The following CCDC57 variants were observed in gnomAD, a reference collection of about 807,000 sequenced individuals.
The protein encoded by CCDC57 is coiled-coil domain-containing protein 57.
CCDC57 carries 118 observed loss-of-function variants against 118.9 expected under a neutral mutation model. That is an observed-to-expected ratio of 0.99 (90% CI 0.86 to 1.16). CCDC57 has a LOEUF of 1.16. Ranked by LOEUF, CCDC57 falls within the 50% of genes most tolerant of loss-of-function variation. The probability of loss-of-function intolerance (pLI) is 0.00; values close to 1 mark genes in which losing one functional copy is unlikely to be tolerated. For synonymous variants in CCDC57, 527 were observed against 532.9 expected (o/e 0.99, Z 0.15); for missense variants, 1,300 against 1,320.7 (o/e 0.98, Z 0.24).
At chr17:82,143,325 A>C (rs1163772619) in intron 16 of CCDC57, among the ~76,000 whole-genome samples, 1 of 152,170 alleles carries the variant, frequency 6.6e-6, no homozygotes, top group Non-Finnish European at 1.5e-5. Context: ...CAATCTAAGA[A>C]ATCAGGAGAA....
chr17:82,134,308 C>G, intron 16 of CCDC57, 114 bp from the exon 16 acceptor site: 3 of 1,069,310 alleles, frequency 2.8e-6, no homozygotes, highest in Non-Finnish European at 3.6e-6. Flanking sequence ...ACCAAAGTAA[C>G]TTCCATTACA....
intron 2 of CCDC57, among the ~76,000 whole-genome samples, chr17:82,206,035 G>C (rs2049586098): frequency 6.7e-6 from 1 of 150,246 alleles, no homozygotes; most frequent in Non-Finnish European, 1.5e-5. Context: ...TCGGCCAGCA[G>C]GCGTCCCCAG....
intron 14 of CCDC57, among the ~76,000 whole-genome samples, chr17:82,159,639 T>C (rs1382014308): frequency 6.6e-6 from 1 of 151,950 alleles, no homozygotes; most frequent in African/African-American, 2.4e-5. Flanking sequence ...TCATGTCGCA[T>C]ACCATAGAGA....
intron 2 of CCDC57, among the ~76,000 whole-genome samples, chr17:82,204,707 C>T (rs2049400666): frequency 6.6e-6 from 1 of 152,128 alleles, no homozygotes; most frequent in Non-Finnish European, 1.5e-5. Context: ...GGCGTGAACC[C>T]CGGAGGCGAA....
chr17:82,134,132 T>C (rs1208778252), exon 17 of CCDC57: 2 of 1,395,788 alleles, frequency 1.4e-6, no homozygotes, highest in East Asian at 3.0e-5. Context: ...AAAGGCCTCC[T>C]GGGCTCCTCG....
At chr17:82,105,960 C>T (rs1013431730) in intron 19 of CCDC57, among the ~76,000 whole-genome samples, 9 of 152,248 alleles carry the variant, frequency 5.9e-5, no homozygotes, top group Non-Finnish European at 1.0e-4. Context: ...GCCTGCTGGC[C>T]TTTGGAGCAG....
intron 19 of CCDC57, among the ~76,000 whole-genome samples, chr17:82,114,522 C>A (rs1354120654): frequency 6.6e-6 from 1 of 152,220 alleles, no homozygotes; most frequent in Non-Finnish European, 1.5e-5. Flanking sequence ...AAGCACAGGA[C>A]CCCAGGCAGG....
intron 19 of CCDC57, chr17:82,105,197 T>C (rs529307102): frequency 2.0e-5 from 3 of 152,432 alleles, no homozygotes; most frequent in East Asian, 3.9e-4. Flanking sequence ...CTGGCCCTGA[T>C]GGCAGCTCAG....
At chr17:82,123,264 A>G (rs1440955768) in intron 19 of CCDC57, among the ~76,000 whole-genome samples, 1 of 146,466 alleles carries the variant, frequency 6.8e-6, no homozygotes, top group Non-Finnish European at 1.5e-5. Context: ...AAGTGCTGGG[A>G]TTACAGGCAT....
At chr17:82,116,466 C>A (rs1195039061) in intron 19 of CCDC57, among the ~76,000 whole-genome samples, 1 of 152,142 alleles carries the variant, frequency 6.6e-6, no homozygotes, top group East Asian at 1.9e-4. Context: ...ACCCACTTCT[C>A]CTATGCAGTC....
At chr17:82,188,248 G>A (rs376309789) in exon 8 of CCDC57, 15 of 1,559,772 alleles carry the variant, frequency 9.6e-6, no homozygotes, top group East Asian at 9.6e-5. Flanking sequence ...TCTCCTTGGC[G>A]GTGTCAGCCT....
At chr17:82,157,694 G>A (rs572867972) in intron 15 of CCDC57, 54 bp downstream of exon 14, 17 of 1,537,356 alleles carry the variant, frequency 1.1e-5, no homozygotes, top group African/African-American at 2.7e-5. Flanking sequence ...AGGCAAGGAC[G>A]GTTTCTGTGG....
At chr17:82,198,109 T>A (rs1199240222) in intron 4 of CCDC57, among the ~76,000 whole-genome samples, 1 of 152,206 alleles carries the variant, frequency 6.6e-6, no homozygotes, top group Non-Finnish European at 1.5e-5. Flanking sequence ...GGAAACACTG[T>A]GGAGGTGGCT....
intron 19 of CCDC57, chr17:82,127,298 C>T: frequency 1.0e-6 from 1 of 985,350 alleles, no homozygotes; most frequent in Non-Finnish European, 1.2e-6. Flanking sequence ...CTGGCTCTTC[C>T]CCAGGAGCAG....
rs1245292485 is a variant in CCDC57, at chr17:82,192,046, C to T, written c.851+1710G>A. On this transcript the variant is annotated intron_variant, in intron 7 of 19. Transcript: ENST00000665763. This position sits in a 1 kb window ranked among gnomAD's most constrained non-coding sequence, Gnocchi z 4.0. The stretch of plus-strand genomic sequence containing the variant: ...TGTCACCCAGGCTGGAGTGCAGTGG[C>T]GCGGTCTCGGCTCAGTGAAACCTCC... 1.3e-5 allele frequency among the ~76,000 whole-genome samples: 2 copies of T among 150,370 alleles called. No individual in the cohort carries two copies. The highest frequency in any genetic ancestry group is 4.2e-4 in the South Asian group (2 of 4,750).
intron 16 of CCDC57, among the ~76,000 whole-genome samples, chr17:82,143,597 T>C (rs1014310151): frequency 6.6e-6 from 1 of 152,116 alleles, no homozygotes; most frequent in African/African-American, 2.4e-5. Context: ...CAGAAGAGAT[T>C]AGACAGAAAT....
At chr17:82,201,281 T>C (rs909644060) in intron 3 of CCDC57, among the ~76,000 whole-genome samples, 3 of 152,254 alleles carry the variant, frequency 2.0e-5, no homozygotes, top group Non-Finnish European at 2.9e-5. Context: ...CAATCTCCAT[T>C]AATTTCAGAG....
chr17:82,186,561 T>C (rs958618302), intron 8 of CCDC57, among the ~76,000 whole-genome samples: 20 of 152,180 alleles, frequency 1.3e-4, no homozygotes, highest in Admixed American at 6.5e-5. Flanking sequence ...GCATGCTGAA[T>C]CTAGAGAAAC....
intron 19 of CCDC57, among the ~76,000 whole-genome samples, chr17:82,102,594 A>G (rs2034528020): frequency 6.6e-6 from 1 of 152,168 alleles, no homozygotes; most frequent in Non-Finnish European, 1.5e-5. Flanking sequence ...CTAAAAATCC[A>G]TGCAAGGGCT....
Sources: gnomAD v4.1 joint callset for allele counts (sites outside exome capture counted in the v4.1 genomes callset) on GRCh38, gnomAD v4.1.1 for gene constraint, Gnocchi (gnomAD v3.1) non-coding constraint, MANE v1.5 for transcripts, NCBI Gene and HGNC (gene_info 2026-07-23, HGNC 2026-07-21) for gene names.